Variants in SPTLC3 observed in about 807,000 individuals in gnomAD.
SPTLC3 encodes the protein serine palmitoyltransferase long chain base subunit 3.
SPTLC3 carries 36 observed loss-of-function variants against 59.3 expected under a neutral mutation model. The ratio of observed to expected loss-of-function variants is 0.61; its 90% CI spans 0.47 to 0.80. SPTLC3 has a LOEUF of 0.80. SPTLC3 is among the 30% of genes least tolerant of loss of function. The pLI is 0.00. For missense variants in SPTLC3, 625 were observed against 685.1 expected, an observed-to-expected ratio of 0.91 and a Z score of 0.98; for synonymous variants, 257 against 240.8, an observed-to-expected ratio of 1.07 and a Z score of -0.62.
intron 8 of SPTLC3, among the ~76,000 whole-genome samples, chr20:13,120,474 G>C (rs1051148304): frequency 6.6e-6 from 1 of 152,138 alleles, no homozygotes; most frequent in Admixed American, 6.5e-5. Context: ...AAAATAATCA[G>C]TTAGCTCCAA....
chr20:13,094,794 G>T (rs1989355330), intron 6 of SPTLC3, among the ~76,000 whole-genome samples: 1 of 152,172 alleles, frequency 6.6e-6, no homozygotes, highest in Non-Finnish European at 1.5e-5. Context: ...GCTTTCAGTA[G>T]CTATGTGAAG....
chr20:13,091,269 AG>A, intron 5 of SPTLC3, 62 bp downstream of exon 5: 1 of 1,579,732 alleles, frequency 6.3e-7, no homozygotes. Context: ...AACTCTGAGT[AG>A]GTCCTTGTTA....
chr20:13,144,326 C>T (rs2038455153), intron 9 of SPTLC3, among the ~76,000 whole-genome samples: 1 of 152,212 alleles, frequency 6.6e-6, no homozygotes, highest in African/African-American at 2.4e-5. Context: ...ATATTTTAAT[C>T]TTCCACTGAA....
intron 6 of SPTLC3, among the ~76,000 whole-genome samples, chr20:13,104,165 C>G (rs939419172): frequency 1.3e-5 from 2 of 152,140 alleles, no homozygotes; most frequent in Admixed American, 6.5e-5. Flanking sequence ...CTGTTTTGCA[C>G]TAGGCACCAG....
At chr20:13,116,391 A>G (rs1306068945) in intron 7 of SPTLC3, among the ~76,000 whole-genome samples, 2 of 152,226 alleles carry the variant, frequency 1.3e-5, no homozygotes, top group Non-Finnish European at 2.9e-5. Flanking sequence ...CTTGCCTGTC[A>G]ATGCAGTCAA....
At chr20:13,033,239 G>C (rs530887842) in intron 1 of SPTLC3, among the ~76,000 whole-genome samples, 1 of 152,134 alleles carries the variant, frequency 6.6e-6, no homozygotes, top group Non-Finnish European at 1.5e-5. Context: ...GTGTATTAAG[G>C]TAATACTTGG....
intron 1 of SPTLC3, among the ~76,000 whole-genome samples, chr20:13,042,844 C>T (rs1987051269): frequency 6.6e-6 from 1 of 151,990 alleles, no homozygotes; most frequent in African/African-American, 2.4e-5. Context: ...TGTTATATGC[C>T]CTTAAGACAA....
At chr20:13,062,042 T>G (rs543055564) in intron 2 of SPTLC3, among the ~76,000 whole-genome samples, 4 of 152,144 alleles carry the variant, frequency 2.6e-5, no homozygotes, top group Non-Finnish European at 5.9e-5. Context: ...TCCTTGCTCT[T>G]CCTCAGACAC....
chr20:13,071,770 G>T (rs767888364), intron 2 of SPTLC3, among the ~76,000 whole-genome samples: 16 of 152,142 alleles, frequency 1.1e-4, no homozygotes, highest in Non-Finnish European at 2.4e-4. Context: ...GCCTCCACGA[G>T]CTCCTCTGAT....
rs200050300 is a variant in SPTLC3 at position 13,016,068 on chromosome 20, AC to A, written c.117+6685del. ...ATGCAATTTTCTGATTATATAAATA[AC>A]TTTTAGAAATGAATACAAAAAGAGG... On this transcript the variant is annotated intron_variant, in intron 1 of 11. Coordinates refer to ENST00000399002, the MANE Select transcript of SPTLC3 (RefSeq NM_018327.4). Among the ~76,000 whole-genome samples, 902 of 152,274 alleles carry A rather than the reference AC, an allele frequency of 5.9e-3. 6 individuals carry two copies. The highest frequency in any genetic ancestry group is 0.01 in the South Asian group (49 of 4,826).
intron 1 of SPTLC3, among the ~76,000 whole-genome samples, chr20:13,047,270 G>A (rs1341652918): frequency 6.6e-6 from 1 of 152,038 alleles, no homozygotes; most frequent in Admixed American, 6.5e-5. Flanking sequence ...TAATGTAGAG[G>A]GAATGAAGAT....
At chr20:13,153,722 C>A (rs1386398747) in intron 9 of SPTLC3, among the ~76,000 whole-genome samples, 2 of 152,044 alleles carry the variant, frequency 1.3e-5, no homozygotes, top group Non-Finnish European at 2.9e-5. Flanking sequence ...AAAATAGATA[C>A]CTCCCCTGCC....
intron 6 of SPTLC3, among the ~76,000 whole-genome samples, chr20:13,105,261 C>T (rs952983601): frequency 5.9e-5 from 8 of 135,956 alleles, no homozygotes; most frequent in African/African-American, 2.5e-4. Context: ...TCATCCCCTG[C>T]AGGAGGAAAA....
At chr20:13,082,106 A>T (rs1444626693) in intron 4 of SPTLC3, among the ~76,000 whole-genome samples, 3 of 152,242 alleles carry the variant, frequency 2.0e-5, no homozygotes, top group Non-Finnish European at 1.5e-5. Context: ...AAGATATGAC[A>T]GTAATTTTAC....
intron 1 of SPTLC3, among the ~76,000 whole-genome samples, chr20:13,020,604 T>C (rs1218261543): frequency 6.6e-6 from 1 of 152,154 alleles, no homozygotes; most frequent in African/African-American, 2.4e-5. Flanking sequence ...TAAAACTATT[T>C]TTATATACTC....
At chr20:13,027,673 ACACACACG>A (rs1189114364) in intron 1 of SPTLC3, among the ~76,000 whole-genome samples, 4 of 145,076 alleles carry the variant, frequency 2.8e-5, no homozygotes, top group Non-Finnish European at 4.6e-5. Flanking sequence ...ACACACACAC[ACACACACG>A]CAAAAGTGTC....
At chr20:13,047,677 AT>A (rs1987290541) in intron 1 of SPTLC3, among the ~76,000 whole-genome samples, 1 of 152,170 alleles carries the variant, frequency 6.6e-6, no homozygotes, top group South Asian at 2.1e-4. Context: ...GTGCAAATCA[AT>A]TAAACAGTCA....
chr20:13,154,550 C>T (rs1168366942), intron 10 of SPTLC3, among the ~76,000 whole-genome samples: 1 of 152,148 alleles, frequency 6.6e-6, no homozygotes, highest in Non-Finnish European at 1.5e-5. Flanking sequence ...CTGCAGCCGT[C>T]CTCAGAAGAG....
chr20:13,146,320 T>C (rs1240190611), intron 9 of SPTLC3, among the ~76,000 whole-genome samples: 2 of 151,996 alleles, frequency 1.3e-5, no homozygotes, highest in African/African-American at 2.4e-5. Flanking sequence ...GAGAGAACTA[T>C]TGTACTGGGC....
Sources: allele counts gnomAD v4.1 joint callset (sites outside exome capture counted in the v4.1 genomes callset), GRCh38; gene constraint gnomAD v4.1.1; transcripts MANE v1.5; gene names NCBI Gene and HGNC (gene_info 2026-07-23, HGNC 2026-07-21).